RASSF8: variants seen among roughly 807,000 people sequenced by gnomAD.
RASSF8 encodes ras association domain-containing protein 8.
RASSF8 carries 22 observed loss-of-function variants against 48.5 expected under a neutral mutation model. That is an observed-to-expected ratio of 0.45 (90% confidence interval 0.32 to 0.65). RASSF8 has a LOEUF of 0.65. Among genes scored for constraint, RASSF8 ranks in the 30% least tolerant of loss-of-function variants. The pLI is 0.03. For synonymous variants in RASSF8, 127 were observed against 171.5 expected, an observed-to-expected ratio of 0.74 and a Z score of 2.03; for missense variants, 418 against 489.2, an observed-to-expected ratio of 0.85 and a Z score of 1.37.
intron 3 of RASSF8, among the ~76,000 whole-genome samples, chr12:26,062,839 T>A (rs1943774351): frequency 6.6e-6 from 1 of 152,156 alleles, no homozygotes. Flanking sequence ...GTGTGGTAGG[T>A]GCTAACCCTC....
chr12:26,009,785 A>G (rs1290623973), intron 2 of RASSF8, among the ~76,000 whole-genome samples: 1 of 152,092 alleles, frequency 6.6e-6, no homozygotes, highest in African/African-American at 2.4e-5. Flanking sequence ...CCTCGATAAG[A>G]GTAGTTTGGT....
At chr12:25,986,782 CTCT>C (rs1167779038) in intron 1 of RASSF8, among the ~76,000 whole-genome samples, 1 of 152,174 alleles carries the variant, frequency 6.6e-6, no homozygotes, top group Non-Finnish European at 1.5e-5. Context: ...TGCTGCCTTT[CTCT>C]TCTTTTGCTG....
intron 1 of RASSF8, among the ~76,000 whole-genome samples, chr12:25,962,068 A>G (rs1034260874): frequency 6.6e-6 from 1 of 152,202 alleles, no homozygotes; most frequent in Non-Finnish European, 1.5e-5. Flanking sequence ...AAAAAAAGAA[A>G]AAGTATTTGC....
At chr12:26,016,003 T>A (rs993054800) in intron 2 of RASSF8, among the ~76,000 whole-genome samples, 33 of 152,162 alleles carry the variant, frequency 2.2e-4, no homozygotes, top group African/African-American at 8.0e-4. Flanking sequence ...ACCAAATCAC[T>A]AATTATCTTT....
At chr12:26,043,348 A>G (rs1943306103) in intron 2 of RASSF8, among the ~76,000 whole-genome samples, 2 of 152,132 alleles carry the variant, frequency 1.3e-5, no homozygotes, top group African/African-American at 4.8e-5. Context: ...GAGAACAGAA[A>G]TGTCTTGGCA....
intron 1 of RASSF8, among the ~76,000 whole-genome samples, chr12:25,963,321 C>CAAAA (rs61607517): frequency 0.029 from 2,768 of 95,938 alleles, 33 homozygotes; most frequent in African/African-American, 0.047. Flanking sequence ...TTGTTTTAGC[C>CAAAA]AAAAAAAAAA....
intron 1 of RASSF8, among the ~76,000 whole-genome samples, chr12:25,966,004 A>G (rs993873586): frequency 6.6e-6 from 1 of 152,204 alleles, no homozygotes; most frequent in Non-Finnish European, 1.5e-5. Flanking sequence ...ACTTGCATAC[A>G]AGTATTGTAT....
chr12:26,070,377 A>G lies in RASSF8; in HGVS notation c.*1559A>G. On this transcript the variant is annotated 3_prime_UTR_variant, in exon 6 of 6. Coordinates refer to ENST00000689635, the MANE Select transcript of RASSF8 (RefSeq NM_001394098.1). The stretch of plus-strand genomic sequence containing the variant: ...TTTAAGAATGGCTATGAGACTGTAT[A>G]GAAGCTTCTAGAGAACTGAAAGTCA... 1.0e-6 allele frequency: 1 copy of G among 985,422 alleles called. No individual in the cohort carries two copies. The allele number at this position is 985,422 out of a possible 1,614,324, so 61.0% of individuals were successfully genotyped here. A position where few individuals can be genotyped will look rare whatever the true frequency, so the allele number is the denominator to read the frequency against.
intron 1 of RASSF8, among the ~76,000 whole-genome samples, chr12:25,984,686 A>G (rs1941830829): frequency 1.3e-5 from 2 of 152,182 alleles, no homozygotes; most frequent in African/African-American, 4.8e-5. Context: ...ATTAAGGAGA[A>G]TTGTTGTTAC....
intron 1 of RASSF8, among the ~76,000 whole-genome samples, chr12:25,965,326 A>C (rs2136831616): frequency 6.6e-6 from 1 of 151,442 alleles, no homozygotes; most frequent in Middle Eastern, 3.4e-3. Flanking sequence ...ATCTATGTAT[A>C]CACATGAAAT....
At chr12:26,003,843 A>G (rs1041577200) in intron 2 of RASSF8, among the ~76,000 whole-genome samples, 1 of 152,158 alleles carries the variant, frequency 6.6e-6, no homozygotes, top group African/African-American at 2.4e-5. Flanking sequence ...AAAAATACAT[A>G]TATGTATTTA....
Position 26,064,498 on chromosome 12 carries a change from G to T in RASSF8, c.104G>T (p.Gly35Val). 6.5e-7 allele frequency: 1 copy of T among 1,531,992 alleles called. No individual in the cohort carries two copies. The allele number at this position is 1,531,992 out of a possible 1,614,324, so 94.9% of individuals were successfully genotyped here. The part of the protein sequence containing the change: ...EVVIALAQAI[G>V]RTGRYTLIEK... ...AGTTATTCTTACCTTTTTTACATAG[G>T]TCGAACTGGAAGGTACACCCTTATA... Residue 35 changes from glycine (G) to valine (V), a missense_variant and splice_region_variant, in exon 4 of 6, where the codon GGT becomes GTT. Coordinates refer to ENST00000689635, the MANE Select transcript of RASSF8 (RefSeq NM_001394098.1).
chr12:26,014,025 T>C (rs76710884), intron 2 of RASSF8, among the ~76,000 whole-genome samples: 2,053 of 152,298 alleles, frequency 0.013, 36 homozygotes, highest in African/African-American at 0.041. Flanking sequence ...TTGAGGAATA[T>C]GAGAGTGTGG....
intron 2 of RASSF8, among the ~76,000 whole-genome samples, chr12:26,025,206 T>C (rs1942879778): frequency 6.6e-6 from 1 of 152,064 alleles, no homozygotes; most frequent in Non-Finnish European, 1.5e-5. Context: ...CCTTGCCATT[T>C]CTATTCAACA....
chr12:26,052,507 C>A (rs192279861), intron 2 of RASSF8: 1 of 152,268 alleles, frequency 6.6e-6, no homozygotes, highest in East Asian at 1.9e-4. Context: ...TCACTGTTTC[C>A]ATGGAAAAAT....
Position 26,071,541 on chromosome 12 carries a change from T to C in RASSF8, c.*2723T>C. 1.0e-6 allele frequency: 1 copy of C among 976,802 alleles called. No individual in the cohort carries two copies. The highest frequency in any genetic ancestry group is 1.7e-5 in the African/African-American group (1 of 57,162). The allele number at this position is 976,802 out of a possible 1,614,324, so 60.5% of individuals were successfully genotyped here. A position where few individuals can be genotyped will look rare whatever the true frequency, so the allele number is the denominator to read the frequency against. On this transcript the variant is annotated 3_prime_UTR_variant, in exon 6 of 6. Coordinates refer to ENST00000689635, the MANE Select transcript of RASSF8 (RefSeq NM_001394098.1). ...TATTTGACCTTTTGAGTGTCTGTCA[T>C]CCTCAGAGAATGGCCCATAGTGTGT...
intron 2 of RASSF8, among the ~76,000 whole-genome samples, chr12:26,013,069 C>T (rs565115499): frequency 5.9e-5 from 9 of 152,244 alleles, no homozygotes; most frequent in Admixed American, 1.3e-4. Flanking sequence ...GAGAGTATAT[C>T]TCCCGGAGCT....
chr12:25,967,079 C>CT (rs1941376711), intron 1 of RASSF8, among the ~76,000 whole-genome samples: 1 of 152,138 alleles, frequency 6.6e-6, no homozygotes, highest in Non-Finnish European at 1.5e-5. Flanking sequence ...CTGTTATATC[C>CT]TTTTTTATTG....
At chr12:26,025,835 T>A (rs1043979701) in intron 2 of RASSF8, among the ~76,000 whole-genome samples, 2 of 151,752 alleles carry the variant, frequency 1.3e-5, no homozygotes, top group Non-Finnish European at 2.9e-5. Context: ...TCACAAAAAA[T>A]TGCAAAAGTT....
Sources: allele counts gnomAD v4.1 joint callset (sites outside exome capture counted in the v4.1 genomes callset), GRCh38; gene constraint gnomAD v4.1.1; transcripts MANE v1.5; gene names NCBI Gene and HGNC (gene_info 2026-07-23, HGNC 2026-07-21).